Variants in MRC1 observed in about 807,000 individuals in gnomAD.
MRC1 encodes the protein macrophage mannose receptor 1.
In MRC1, 62 loss-of-function variants were observed where a neutral mutation model predicts 102.9. The ratio of observed to expected loss-of-function variants is 0.60; its 90% CI spans 0.49 to 0.74. The LOEUF (loss-of-function observed/expected upper bound fraction) is 0.74, where lower values mean the gene tolerates loss of function less well. Among genes scored for constraint, MRC1 ranks in the 30% least tolerant of loss-of-function variants. The pLI is 0.00. For missense variants in MRC1, 1,237 were observed against 862.8 expected, an observed-to-expected ratio of 1.43 and a Z score of -5.43; for synonymous variants, 457 against 298.4, an observed-to-expected ratio of 1.53 and a Z score of -5.48.
In MRC1 at chr10:17,894,773, A is replaced by G. The variant is rs950041921; in HGVS notation, c.3250+461A>G. On this transcript the variant is annotated intron_variant, in intron 23 of 29. Transcript: ENST00000569591. ...GAACATGCAGGTTTGTTATATAGGT[A>G]TATGTGTGCCATGGTGTTTTGCTGC... Among the ~76,000 whole-genome samples the G allele has an allele frequency of 8.5e-5, 13 of 152,252 alleles. No homozygotes were observed. The South Asian group carries it at 1.4e-3, about 17-fold the overall frequency.
At chr10:17,816,898 T>C (rs1838320702) in intron 1 of MRC1, among the ~76,000 whole-genome samples, 1 of 152,126 alleles carries the variant, frequency 6.6e-6, no homozygotes, top group African/African-American at 2.4e-5. Flanking sequence ...TCTTTGCTAG[T>C]AGGCTTGGGA....
chr10:17,867,754 G>C (rs1231490235), intron 12 of MRC1, among the ~76,000 whole-genome samples: 1 of 152,154 alleles, frequency 6.6e-6, no homozygotes, highest in Non-Finnish European at 1.5e-5. Flanking sequence ...TCTGTTTCCT[G>C]TCACGCTGTT....
At chr10:17,853,568 A>ATGTATG (rs1214823103) in intron 8 of MRC1, among the ~76,000 whole-genome samples, 7 of 134,130 alleles carry the variant, frequency 5.2e-5, no homozygotes, top group African/African-American at 2.0e-4. Context: ...AGAGATATAT[A>ATGTATG]TGTATGTGTG....
chr10:17,880,393 C>T, intron 19 of MRC1, 132 bp from the exon 20 acceptor site: 2 of 709,196 alleles, frequency 2.8e-6, no homozygotes, highest in Non-Finnish European at 5.2e-6. Context: ...CCTCTAGTCA[C>T]ATATAAAAAT....
Position 17,852,936 on chromosome 10 carries a change from T to A in MRC1, c.1250-31T>A, listed in dbSNP as rs782296621. 1,388 of 780,776 alleles carry A rather than the reference T, an allele frequency of 1.8e-3. 4 individuals carry two copies. The highest frequency in any genetic ancestry group is 2.8e-3 in the Non-Finnish European group (1,160 of 417,904). 48.4% of individuals were successfully genotyped at this position (780,776 alleles called of 1,614,324 possible). A position where few individuals can be genotyped will look rare whatever the true frequency, so the allele number is the denominator to read the frequency against. Reference sequence around the variant, plus strand: ...CCCGACCTTTGGAAAGCAACCCTTGTATATACCACTGTGTGTTTCTTCCTG... The same window carrying A: ...CCCGACCTTTGGAAAGCAACCCTTGAATATACCACTGTGTGTTTCTTCCTG... On this transcript the variant is annotated intron_variant, in intron 7 of 29. Coordinates refer to ENST00000569591, the MANE Select transcript of MRC1 (RefSeq NM_002438.4).
At chr10:17,891,356 C>T (rs1039278175) in intron 22 of MRC1, among the ~76,000 whole-genome samples, 3 of 151,734 alleles carry the variant, frequency 2.0e-5, no homozygotes, top group Admixed American at 6.6e-5. Flanking sequence ...TTACTAGAGA[C>T]GGGGTTTCAC....
At chr10:17,867,117 C>T (rs1274777644) in intron 12 of MRC1, among the ~76,000 whole-genome samples, 24 of 140,182 alleles carry the variant, frequency 1.7e-4, no homozygotes, top group African/African-American at 6.0e-4. Flanking sequence ...TACCCCCTTA[C>T]CCTCCCTTCC....
chr10:17,894,394 CTTTT>C (rs34625338), intron 23 of MRC1, 82 bp downstream of exon 23: 1,270 of 404,088 alleles, frequency 3.1e-3, no homozygotes, highest in Middle Eastern at 6.4e-3. Flanking sequence ...TTCTTTCTTT[CTTTT>C]TTTTTTTTTT....
chr10:17,910,076 C>T (rs1833948517), intron 29 of MRC1, 139 bp from the exon 30 acceptor site: 3 of 729,608 alleles, frequency 4.1e-6, no homozygotes, highest in Non-Finnish European at 7.5e-6. Context: ...CTCTTGTTTT[C>T]ACATCTTTCT....
At chr10:17,823,868 C>G (rs1554838489) in intron 2 of MRC1, among the ~76,000 whole-genome samples, 1 of 152,060 alleles carries the variant, frequency 6.6e-6, no homozygotes, top group African/African-American at 2.4e-5. Context: ...TTAAGTTATC[C>G]CTGGAAAAAT....
intron 3 of MRC1, among the ~76,000 whole-genome samples, chr10:17,828,232 A>T: frequency 6.6e-6 from 1 of 151,736 alleles, no homozygotes; most frequent in Non-Finnish European, 1.5e-5. Flanking sequence ...GCCCGCCACC[A>T]CGCCTGGCTA....
rs1056618895 is a variant in MRC1 at position 17,859,474 on chromosome 10, C to T, written c.1519-1913C>T. ...CTGGGACTACAGGTGCCTGCCGTCA[C>T]GCCCAGCTAATTTTTGCATTTTCAG... On this transcript the variant is annotated intron_variant, in intron 9 of 29. Transcript: ENST00000569591. Among the ~76,000 whole-genome samples, 37 of 152,148 alleles carry T rather than the reference C, an allele frequency of 2.4e-4. No homozygotes were observed. In the South Asian group the frequency reaches 6.5e-3, roughly 27 times the overall value.
At chr10:17,898,402 A>G in intron 24 of MRC1, 136 bp downstream of exon 24, 3 of 740,790 alleles carry the variant, frequency 4.0e-6, no homozygotes, top group South Asian at 3.0e-5. Flanking sequence ...TACTAACATC[A>G]ACAAGATCCA....
intron 1 of MRC1, among the ~76,000 whole-genome samples, chr10:17,818,410 C>A (rs1838344610): frequency 6.6e-6 from 1 of 152,144 alleles, no homozygotes; most frequent in African/African-American, 2.4e-5. Context: ...GGACTATGGA[C>A]AGAACATTAG....
chr10:17,828,981 C>A (rs903367255), intron 3 of MRC1, among the ~76,000 whole-genome samples: 2 of 151,544 alleles, frequency 1.3e-5, no homozygotes, highest in Non-Finnish European at 2.9e-5. Context: ...ACACCCTCCT[C>A]CTGATGCTGG....
chr10:17,871,805 G>T (rs1564621163), intron 14 of MRC1, among the ~76,000 whole-genome samples, 177 bp from the exon 15 acceptor site: 4 of 152,246 alleles, frequency 2.6e-5, no homozygotes, highest in Admixed American at 2.0e-4. Flanking sequence ...TCCATGTAAT[G>T]AAAGCTGTTT....
In MRC1 at chr10:17,845,360, C is replaced by G. The variant is rs1469773668; in HGVS notation, c.988C>G (p.Leu330Val). Residue 330 changes from leucine to valine, a missense_variant, in exon 6 of 30, where the codon CTG (leucine) becomes GTG (valine). By Grantham distance (32) the Leu-to-Val change is conservative. Coordinates refer to ENST00000569591, the MANE Select transcript of MRC1 (RefSeq NM_002438.4). ...NPGKNAKWEN[L>V]ECVQKLGYIC... ...TGGAAAAAATGCTAAATGGGAAAATCTGGAATGTGTTCAGAAACTGGGCTA... is the reference window on the plus strand; with the variant it reads ...TGGAAAAAATGCTAAATGGGAAAATGTGGAATGTGTTCAGAAACTGGGCTA... 4 of 780,706 alleles carry G rather than the reference C, an allele frequency of 5.1e-6. No homozygotes were observed. Among genetic ancestry groups the G allele is most frequent in the Non-Finnish European group, 9.6e-6 (4 of 417,960 alleles). 48.4% of individuals were successfully genotyped at this position (780,706 alleles called of 1,614,324 possible).
At chr10:17,898,376 T>C (rs891565124) in intron 24 of MRC1, 110 bp downstream of exon 24, 1 of 768,780 alleles carries the variant, frequency 1.3e-6, no homozygotes, top group Non-Finnish European at 2.4e-6. Flanking sequence ...GAGACTGTGC[T>C]AGGCAATGTG....
intron 18 of MRC1, 42 bp from the exon 19 acceptor site, chr10:17,879,679 A>G (rs1833486657): frequency 1.3e-6 from 1 of 780,756 alleles, no homozygotes; most frequent in Non-Finnish European, 2.4e-6. Flanking sequence ...CAATTAGTCT[A>G]ATGATTGGAT....
Sources: gnomAD v4.1 joint callset for allele counts (sites outside exome capture counted in the v4.1 genomes callset) on GRCh38, gnomAD v4.1.1 for gene constraint, MANE v1.5 for transcripts, NCBI Gene and HGNC (gene_info 2026-07-23, HGNC 2026-07-21) for gene names.